Variants in TIRAP observed in about 807,000 individuals in gnomAD.
TIRAP encodes the protein toll/interleukin-1 receptor domain-containing adapter protein.
TIRAP carries 20 observed loss-of-function variants against 19.8 expected under a neutral mutation model. That is an observed-to-expected ratio of 1.01 (90% CI 0.71 to 1.47). The LOEUF (loss-of-function observed/expected upper bound fraction) is 1.47. Ranked by LOEUF, TIRAP falls within the 40% of genes most tolerant of loss-of-function variation. The probability of loss-of-function intolerance (pLI) is 0.00; values close to 1 mark genes in which losing one functional copy is unlikely to be tolerated. For synonymous variants in TIRAP, 125 were observed against 121.7 expected (o/e 1.03, Z -0.18); for missense variants, 276 against 285.1 (o/e 0.97, Z 0.23).
In TIRAP at chr11:126,291,252, T is replaced by C; in HGVS notation, c.67+291T>C. On this transcript the variant is annotated intron_variant, in intron 3 of 4. Transcript: ENST00000392679. This position sits in a 1 kb window ranked among gnomAD's most constrained non-coding sequence, Gnocchi z 5.6. Reference sequence around the variant, plus strand: ...GCTGAGTGCTTAACACTGTCTCTTGTCGTCCAAATCTTTGTTCCAGAACCA... The same window carrying C: ...GCTGAGTGCTTAACACTGTCTCTTGCCGTCCAAATCTTTGTTCCAGAACCA... 1.8e-6 allele frequency: 1 copy of C among 563,676 alleles called. No individual in the cohort carries two copies. The highest frequency in any genetic ancestry group is 1.9e-5 in the South Asian group (1 of 53,592). 34.9% of individuals were successfully genotyped at this position (563,676 alleles called of 1,614,324 possible). A position where few individuals can be genotyped will look rare whatever the true frequency, so the allele number is the denominator to read the frequency against.
intron 1 of TIRAP, among the ~76,000 whole-genome samples, chr11:126,285,243 G>GTGTGTATATA: frequency 7.5e-5 from 8 of 106,974 alleles, no homozygotes; most frequent in East Asian, 5.2e-4. Flanking sequence ...GTGTGTGTGT[G>GTGTGTATATA]TATATATATA....
rs1951351591 is a variant in TIRAP at position 126,288,914 on chromosome 11, T to A, written c.-216-1548T>A. On this transcript the variant is annotated intron_variant, in intron 1 of 4. Transcript: ENST00000392679. The surrounding 1 kb of genome is among the most constrained non-coding windows in gnomAD (Gnocchi z 5.0). ...CAGAATTGAAAAAATATTTAAAAAA[T>A]GCAAAAACCAAGTGACATCATGTTT... 6.6e-6 allele frequency among the ~76,000 whole-genome samples: 1 copy of A among 152,074 alleles called. No homozygotes were observed. The highest frequency in any genetic ancestry group is 2.1e-4 in the South Asian group (1 of 4,826).
rs1344636320 is a variant in TIRAP, at chr11:126,292,913, T to C, written c.504T>C (p.Ala168=). ...KYQMLQALTE[A]PGAEGCTIPL... The stretch of plus-strand genomic sequence containing the variant: ...AGATGCTGCAGGCCCTGACCGAGGC[T>C]CCAGGGGCCGAGGGCTGCACCATCC... Residue 168 remains alanine (A), a synonymous_variant, in exon 4 of 5, where the codon GCT becomes GCC. Coordinates refer to ENST00000392679, the MANE Select transcript of TIRAP (RefSeq NM_001318777.2). The C allele has an allele frequency of 2.5e-6, 4 of 1,613,800 alleles. No individual in the cohort carries two copies. The Admixed American group carries it at 5.0e-5, about 20-fold the overall frequency.
chr11:126,293,340 T>A, intron 4 of TIRAP: 1 of 714,546 alleles, frequency 1.4e-6, no homozygotes, highest in East Asian at 2.7e-5. Flanking sequence ...GCCTAGCACA[T>A]GTATTCATAA....
In TIRAP at chr11:126,292,565, A is replaced by C. The variant is rs1159691078; in HGVS notation, c.156A>C (p.Ser52=). 1 of 1,614,088 alleles carries C rather than the reference A, an allele frequency of 6.2e-7. No homozygotes were observed. The highest frequency in any genetic ancestry group is 8.5e-7 in the Non-Finnish European group (1 of 1,180,006). The change falls in exon 4 of 5, where the codon TCA becomes TCC. Residue 52 remains serine (S), a synonymous_variant. Coordinates refer to ENST00000392679, the MANE Select transcript of TIRAP (RefSeq NM_001318777.2). ...STSSDASQPT[S]QDSPLPPSLS... is the part of the protein sequence containing the mutation. Reference sequence around the variant, plus strand: ...CCAGCGATGCTTCACAGCCTACCTCACAGGACAGCCCACTACCCCCAAGCC... The same window carrying C: ...CCAGCGATGCTTCACAGCCTACCTCCCAGGACAGCCCACTACCCCCAAGCC...
chr11:126,290,912 C>G lies in TIRAP; in HGVS notation c.18C>G (p.Ser6=), dbSNP rs774196466. Residue 6 remains serine, a synonymous_variant, in exon 3 of 5, where the codon TCC becomes TCG. Transcript: ENST00000392679. This position sits in a 1 kb window ranked among gnomAD's most constrained non-coding sequence, Gnocchi z 4.9. ...CCCACGCTATGGCATCATCGACCTCCCTCCCAGCTCCTGGCTCTCGGCCTA... is the reference window on the plus strand; with the variant it reads ...CCCACGCTATGGCATCATCGACCTCGCTCCCAGCTCCTGGCTCTCGGCCTA... MASST[S]LPAPGSRPKK... is the part of the protein sequence containing the mutation. 1 of 1,607,200 alleles carries G rather than the reference C, an allele frequency of 6.2e-7. No individual in the cohort carries two copies.
chr11:126,283,755 G>T (rs1193443111), intron 1 of TIRAP, among the ~76,000 whole-genome samples: 1 of 152,176 alleles, frequency 6.6e-6, no homozygotes, highest in East Asian at 1.9e-4. Flanking sequence ...CAACAGAGAG[G>T]GGGAAGTGTG....
chr11:126,290,602 T>A lies in TIRAP; in HGVS notation c.-93+17T>A, dbSNP rs1016231947. 6.7e-6 allele frequency: 8 copies of A among 1,186,858 alleles called. 1 individual carries two copies. In the Admixed American group the frequency reaches 2.9e-4, roughly 43 times the overall value. 73.5% of individuals were successfully genotyped at this position (1,186,858 alleles called of 1,614,324 possible). On this transcript the variant is annotated intron_variant, in intron 2 of 4. Transcript: ENST00000392679. The surrounding 1 kb of genome is among the most constrained non-coding windows in gnomAD (Gnocchi z 4.9). ...TCATACCCTGTAAGTCTGACCACAC[T>A]ACACAGCTTTGGCTTTATCTAGAAT...
At position 126,291,202 on chromosome 11, in the gene TIRAP, G is replaced by A. The variant is rs1951380440; in HGVS notation, c.67+241G>A. On this transcript the variant is annotated intron_variant, in intron 3 of 4. Transcript: ENST00000392679. The surrounding 1 kb of genome is among the most constrained non-coding windows in gnomAD (Gnocchi z 5.6). ...AAGGTTTTCCAGGCCTGCTCAGCTAGCTTTCCTAGCCTGGAAACCACTGTG... is the reference window on the plus strand; with the variant it reads ...AAGGTTTTCCAGGCCTGCTCAGCTAACTTTCCTAGCCTGGAAACCACTGTG... The A allele has an allele frequency of 1.6e-6, 1 of 620,584 alleles. No homozygotes were observed. The highest frequency in any genetic ancestry group is 3.0e-5 in the Admixed American group (1 of 33,174). 38.4% of individuals were successfully genotyped at this position (620,584 alleles called of 1,614,324 possible). A position where few individuals can be genotyped will look rare whatever the true frequency, so the allele number is the denominator to read the frequency against.
intron 3 of TIRAP, among the ~76,000 whole-genome samples, chr11:126,292,152 A>C (rs1951397254): frequency 6.6e-6 from 1 of 151,724 alleles, no homozygotes; most frequent in Non-Finnish European, 1.5e-5. Flanking sequence ...AAAAATACAA[A>C]AATTAGCCAG....
At position 126,290,468 on chromosome 11, in the gene TIRAP, C is replaced by T; in HGVS notation, c.-210C>T. The T allele has an allele frequency of 1.0e-6, 1 of 993,588 alleles. No individual in the cohort carries two copies. Among genetic ancestry groups the T allele is most frequent in the Non-Finnish European group, 1.2e-6 (1 of 835,558 alleles). The allele number at this position is 993,588 out of a possible 1,614,324, so 61.5% of individuals were successfully genotyped here. On this transcript the variant is annotated 5_prime_UTR_variant, in exon 2 of 5. Coordinates refer to ENST00000392679, the MANE Select transcript of TIRAP (RefSeq NM_001318777.2). The surrounding 1 kb of genome is among the most constrained non-coding windows in gnomAD (Gnocchi z 4.9). ...CCTTCTTCTGCCATTTCAGGCCTTA[C>T]ATAGGAAGTCCTTCTAAAGAGCTGC...
chr11:126,283,730 C>T (rs1422393978), intron 1 of TIRAP, among the ~76,000 whole-genome samples: 1 of 152,204 alleles, frequency 6.6e-6, no homozygotes, highest in Non-Finnish European at 1.5e-5. Context: ...AGAATCACAG[C>T]ATACCCTAGA....
At position 126,287,011 on chromosome 11, in the gene TIRAP, T is replaced by C. The variant is rs1456621203; in HGVS notation, c.-216-3451T>C. Among the ~76,000 whole-genome samples, 1 of 152,180 alleles carries C rather than the reference T, an allele frequency of 6.6e-6. No homozygotes were observed. The highest frequency in any genetic ancestry group is 2.4e-5 in the African/African-American group (1 of 41,456). ...TTCCTGCCTCCCTCTTGAAAGGATC[T>C]TTGTGGTTACATTAAACTCACCTGG... On this transcript the variant is annotated intron_variant, in intron 1 of 4. Coordinates refer to ENST00000392679, the MANE Select transcript of TIRAP (RefSeq NM_001318777.2). This position sits in a 1 kb window ranked among gnomAD's most constrained non-coding sequence, Gnocchi z 4.2.
rs141375375 is a variant in TIRAP at position 126,287,966 on chromosome 11, C to T, written c.-216-2496C>T. On this transcript the variant is annotated intron_variant, in intron 1 of 4. Coordinates refer to ENST00000392679, the MANE Select transcript of TIRAP (RefSeq NM_001318777.2). The surrounding 1 kb of genome is among the most constrained non-coding windows in gnomAD (Gnocchi z 4.2). ...ACAGGGTTTCGACCTGTCGGCCAGG[C>T]TGGTCTTGAACTCCTGAGCTCACAT... Among the ~76,000 whole-genome samples, 1,425 of 152,044 alleles carry T rather than the reference C, an allele frequency of 9.4e-3. 14 individuals carry two copies. Among genetic ancestry groups the T allele is most frequent in the Middle Eastern group, 0.031 (9 of 292 alleles).
intron 1 of TIRAP, chr11:126,289,571 C>T (rs1951358137): frequency 1.2e-6 from 1 of 859,920 alleles, no homozygotes; most frequent in Admixed American, 6.2e-5. Flanking sequence ...AGCCATTGTG[C>T]CTGGCCACAT....
At position 126,291,081 on chromosome 11, in the gene TIRAP, G is replaced by T. The variant is rs1441822537; in HGVS notation, c.67+120G>T. ...GAGAGACGCAGGAAGGCTGACGTGG[G>T]GAACTCCTGACCTGAATTCAGGGCC... On this transcript the variant is annotated intron_variant, in intron 3 of 4. Transcript: ENST00000392679. This position sits in a 1 kb window ranked among gnomAD's most constrained non-coding sequence, Gnocchi z 5.6. 3 of 1,255,090 alleles carry T rather than the reference G, an allele frequency of 2.4e-6. No homozygotes were observed. Among genetic ancestry groups the T allele is most frequent in the Non-Finnish European group, 3.3e-6 (3 of 917,010 alleles). 77.7% of individuals were successfully genotyped at this position (1,255,090 alleles called of 1,614,324 possible).
At chr11:126,284,243 A>T (rs1355497641) in intron 1 of TIRAP, among the ~76,000 whole-genome samples, 1 of 152,038 alleles carries the variant, frequency 6.6e-6, no homozygotes, top group African/African-American at 2.4e-5. Flanking sequence ...CATATTGGCC[A>T]GGGTGGTCTC....
Position 126,290,980 on chromosome 11 carries a change from G to T in TIRAP, c.67+19G>T. 6.3e-7 allele frequency: 1 copy of T among 1,595,908 alleles called. No individual in the cohort carries two copies. The highest frequency in any genetic ancestry group is 1.7e-5 in the Admixed American group (1 of 57,732). The stretch of plus-strand genomic sequence containing the variant: ...ATGGCTGGTGAGTGGAACCGGACTC[G>T]CGACTCTGCTGTGTTCCTGAGTGTA... On this transcript the variant is annotated intron_variant, in intron 3 of 4. Transcript: ENST00000392679. This position sits in a 1 kb window ranked among gnomAD's most constrained non-coding sequence, Gnocchi z 4.9.
At position 126,283,126 on chromosome 11, in the gene TIRAP, C is replaced by T. The variant is rs1951274255; in HGVS notation, c.-244C>T. Reference sequence around the variant, plus strand: ...CGCGGAGCCCGCGCAGTCCGCGCAGCCCTCATCGCAACTGGGCCCGCGCGC... The same window carrying T: ...CGCGGAGCCCGCGCAGTCCGCGCAGTCCTCATCGCAACTGGGCCCGCGCGC... On this transcript the variant is annotated 5_prime_UTR_variant, in exon 1 of 5. Coordinates refer to ENST00000392679, the MANE Select transcript of TIRAP (RefSeq NM_001318777.2). 4 of 985,052 alleles carry T rather than the reference C, an allele frequency of 4.1e-6. No homozygotes were observed. Among genetic ancestry groups the T allele is most frequent in the Admixed American group, 1.2e-4 (2 of 16,228 alleles). The allele number at this position is 985,052 out of a possible 1,614,324, so 61.0% of individuals were successfully genotyped here. A position where few individuals can be genotyped will look rare whatever the true frequency, so the allele number is the denominator to read the frequency against.
Sources: allele counts gnomAD v4.1 joint callset (sites outside exome capture counted in the v4.1 genomes callset), GRCh38; gene constraint gnomAD v4.1.1; non-coding constraint Gnocchi (gnomAD v3.1); transcripts MANE v1.5; gene names NCBI Gene and HGNC (gene_info 2026-07-23, HGNC 2026-07-21).